PTH2R: variants seen among roughly 807,000 people sequenced by gnomAD.
PTH2R encodes parathyroid hormone 2 receptor.
In PTH2R, 59 loss-of-function variants were observed where a neutral mutation model predicts 60.3. That is an observed-to-expected ratio of 0.98 (90% confidence interval 0.79 to 1.22). The LOEUF is 1.22. Among genes scored for constraint, PTH2R ranks in the 50% most tolerant of loss-of-function variants. The pLI, the probability that PTH2R is intolerant of heterozygous loss-of-function variation, is 0.00. For missense variants in PTH2R, 749 were observed against 682.6 expected (o/e 1.10, Z -1.08); for synonymous variants, 256 against 243.8 (o/e 1.05, Z -0.47).
intron 1 of PTH2R, among the ~76,000 whole-genome samples, chr2:208,362,408 A>G (rs1700493099): frequency 6.6e-6 from 1 of 152,198 alleles, no homozygotes; most frequent in Admixed American, 6.5e-5. Flanking sequence ...GATGTCTCAT[A>G]TATATATCAA....
chr2:208,403,165 C>T (rs1701341036), upstream of PTH2R, among the ~76,000 whole-genome samples: 1 of 152,118 alleles, frequency 6.6e-6, no homozygotes, highest in Non-Finnish European at 1.5e-5. Context: ...ATTGTTATAG[C>T]CAGCAAATTA....
Position 208,395,172 on chromosome 2 carries a change from G to A in PTH2R, c.-258-33029G>A, listed in dbSNP as rs552797346. On this transcript the variant is annotated intron_variant, in intron 1 of 12. Transcript: ENST00000617735. ...AAGCCATTCTCCTGCCTCAGCCTCC[G>A]CAGTAGCTGGGACTACATGCGCCCG... Among the ~76,000 whole-genome samples, 35 of 151,666 alleles carry A rather than the reference G, an allele frequency of 2.3e-4. 1 individual carries two copies. The highest frequency in any genetic ancestry group is 7.7e-4 in the African/African-American group (32 of 41,344).
At chr2:208,491,825 C>A (rs553841431) in intron 12 of PTH2R, among the ~76,000 whole-genome samples, 11 of 152,070 alleles carry the variant, frequency 7.2e-5, no homozygotes, top group Non-Finnish European at 5.9e-5. Flanking sequence ...CCTCTGTGCC[C>A]GAGCTGTCTT....
chr2:208,464,705 A>G (rs1207220954), intron 9 of PTH2R, among the ~76,000 whole-genome samples: 2 of 152,068 alleles, frequency 1.3e-5, no homozygotes, highest in Non-Finnish European at 2.9e-5. Flanking sequence ...GTCAGGGTCC[A>G]CTTTTGCCAT....
chr2:208,426,012 A>G (rs1393032982), intron 1 of PTH2R, among the ~76,000 whole-genome samples: 1 of 152,240 alleles, frequency 6.6e-6, no homozygotes, highest in African/African-American at 2.4e-5. Flanking sequence ...TGGGGAAAGC[A>G]CATCAACTCC....
intron 1 of PTH2R, among the ~76,000 whole-genome samples, chr2:208,397,431 T>C (rs1206518686): frequency 1.3e-5 from 2 of 152,176 alleles, no homozygotes; most frequent in Admixed American, 6.5e-5. Context: ...TCATATGGCT[T>C]TGATGACTGG....
At chr2:208,449,165 T>G (rs191192087) in intron 7 of PTH2R, among the ~76,000 whole-genome samples, 136 of 152,298 alleles carry the variant, frequency 8.9e-4, no homozygotes, top group Non-Finnish European at 1.7e-3. Flanking sequence ...TCAGGCCATG[T>G]GGTAGAATCT....
At chr2:208,420,444 T>A (rs564325142) in intron 1 of PTH2R, among the ~76,000 whole-genome samples, 2 of 152,194 alleles carry the variant, frequency 1.3e-5, no homozygotes, top group Non-Finnish European at 2.9e-5. Flanking sequence ...GCCAGCAGAA[T>A]GTTGCTCTCA....
chr2:208,411,947 TAA>T (rs1375449688), intron 1 of PTH2R, among the ~76,000 whole-genome samples: 2 of 152,186 alleles, frequency 1.3e-5, no homozygotes, highest in East Asian at 1.9e-4. Flanking sequence ...GCAGATGAGT[TAA>T]GTTATTTTTA....
chr2:208,468,720 T>A (rs997441516), intron 9 of PTH2R, among the ~76,000 whole-genome samples: 1 of 152,210 alleles, frequency 6.6e-6, no homozygotes, highest in Non-Finnish European at 1.5e-5. Flanking sequence ...CCAATTGTAA[T>A]CTACAGGGCA....
intron 10 of PTH2R, among the ~76,000 whole-genome samples, chr2:208,487,282 C>T (rs1362144130): frequency 1.3e-5 from 2 of 152,186 alleles, no homozygotes; most frequent in Non-Finnish European, 2.9e-5. Context: ...GAACCTGAAT[C>T]AAGATCTCTG....
intron 9 of PTH2R, among the ~76,000 whole-genome samples, chr2:208,469,440 C>T (rs2105895718): frequency 6.6e-6 from 1 of 152,058 alleles, no homozygotes; most frequent in South Asian, 2.1e-4. Flanking sequence ...AAATTATGGT[C>T]AGAATTTCTA....
At chr2:208,422,399 T>C (rs1701774703) in intron 1 of PTH2R, among the ~76,000 whole-genome samples, 1 of 152,174 alleles carries the variant, frequency 6.6e-6, no homozygotes, top group Non-Finnish European at 1.5e-5. Context: ...TAGAGGGGAA[T>C]TCATTTTTAA....
At chr2:208,435,349 CTG>C (rs2105862928) in intron 2 of PTH2R, among the ~76,000 whole-genome samples, 1 of 152,230 alleles carries the variant, frequency 6.6e-6, no homozygotes, top group South Asian at 2.1e-4. Context: ...CCTGTGTATG[CTG>C]TGTCACATGG....
chr2:208,449,148 A>T (rs1283412967), intron 7 of PTH2R, among the ~76,000 whole-genome samples: 1 of 152,186 alleles, frequency 6.6e-6, no homozygotes, highest in Non-Finnish European at 1.5e-5. Flanking sequence ...CAGCTGAGGG[A>T]TCTATGTCAG....
At chr2:208,398,843 C>G (rs537082972) in intron 1 of PTH2R, among the ~76,000 whole-genome samples, 1 of 152,278 alleles carries the variant, frequency 6.6e-6, no homozygotes, top group East Asian at 1.9e-4. Flanking sequence ...AGCTCTTAAC[C>G]AGTCCCAAAC....
intron 1 of PTH2R, among the ~76,000 whole-genome samples, chr2:208,370,086 C>CT (rs1361100421): frequency 6.6e-6 from 1 of 152,050 alleles, no homozygotes; most frequent in Non-Finnish European, 1.5e-5. Flanking sequence ...TGTACAATCA[C>CT]TGGCAACAAT....
intron 1 of PTH2R, among the ~76,000 whole-genome samples, chr2:208,417,212 G>A (rs1014218423): frequency 3.9e-5 from 6 of 152,026 alleles, no homozygotes; most frequent in African/African-American, 1.4e-4. Flanking sequence ...ATGTCCTTCC[G>A]AGATTTCATT....
chr2:208,409,686 T>C (rs1490452434), intron 1 of PTH2R, among the ~76,000 whole-genome samples: 1 of 152,148 alleles, frequency 6.6e-6, no homozygotes, highest in Non-Finnish European at 1.5e-5. Context: ...GCTCATCAAT[T>C]GTTTTAAGGG....
Sources: allele counts gnomAD v4.1 joint callset (sites outside exome capture counted in the v4.1 genomes callset), GRCh38; gene constraint gnomAD v4.1.1; transcripts MANE v1.5; gene names NCBI Gene and HGNC (gene_info 2026-07-23, HGNC 2026-07-21).